The following ATM variants were observed in gnomAD, a reference collection of about 807,000 sequenced individuals.
ATM encodes ATM serine/threonine kinase, also known as serine-protein kinase ATM.
In ATM, 308 loss-of-function variants were observed where a neutral mutation model predicts 387.0. The observed-to-expected ratio is 0.80, with a 90% CI of 0.73 to 0.87. ATM has a LOEUF of 0.87. Ranked by LOEUF, ATM falls within the 40% of genes least tolerant of loss-of-function variation. ATM has a pLI of 0.00. For missense variants in ATM, 3,312 were observed against 3,560.9 expected (o/e 0.93, Z 1.78); for synonymous variants, 1,156 against 1,187.3 (o/e 0.97, Z 0.54).
chr11:108,273,497 A>G (rs929050820), intron 22 of ATM, among the ~76,000 whole-genome samples: 3 of 151,560 alleles, frequency 2.0e-5, no homozygotes, highest in African/African-American at 7.3e-5. Flanking sequence ...GCCTGCCACC[A>G]TGCCCAGCTA....
In ATM at chr11:108,368,756, A is replaced by G. The variant is rs560517151; in HGVS notation, c.*3248A>G. ...TTTCCCACCCTACTTTGTGCAGGTC[A>G]TACCTCCCCAAAGTGTTTACCTAAT... On this transcript the variant is annotated 3_prime_UTR_variant, in exon 63 of 63. Transcript: ENST00000675843. The G allele has an allele frequency of 1.7e-4, 36 of 212,094 alleles. No homozygotes were observed. The Middle Eastern group carries it at 7.5e-3, about 44-fold the overall frequency. 13.1% of individuals were successfully genotyped at this position (212,094 alleles called of 1,614,324 possible).
intron 37 of ATM, among the ~76,000 whole-genome samples, chr11:108,307,430 G>T (rs1426654692): frequency 6.6e-6 from 1 of 152,196 alleles, no homozygotes; most frequent in African/African-American, 2.4e-5. Context: ...TTACAGGCAT[G>T]AGCCATTGCA....
At chr11:108,324,244 T>C (rs1276239798) in intron 45 of ATM, among the ~76,000 whole-genome samples, 1 of 152,130 alleles carries the variant, frequency 6.6e-6, no homozygotes, top group Non-Finnish European at 1.5e-5. Flanking sequence ...TTACGTGTAA[T>C]AGGAAAATGC....
chr11:108,319,702 T>C lies in ATM; in HGVS notation c.6348-252T>C, dbSNP rs150757527. On this transcript the variant is annotated intron_variant, in intron 43 of 62. Transcript: ENST00000675843. Reference sequence around the variant, plus strand: ...CCTAGTGCCTGGCACATAATAGGTATTTATTGAATAAATAAATGAAAGTAG... The same window carrying C: ...CCTAGTGCCTGGCACATAATAGGTACTTATTGAATAAATAAATGAAAGTAG... Among the ~76,000 whole-genome samples the C allele has an allele frequency of 8.3e-3, 1,260 of 152,356 alleles. 7 individuals are homozygous for C. Among genetic ancestry groups the C allele is most frequent in the Non-Finnish European group, 0.013 (918 of 68,034 alleles).
Position 108,365,529 on chromosome 11 carries a change from C to T in ATM, c.*21C>T, listed in dbSNP as rs1006554443. On this transcript the variant is annotated 3_prime_UTR_variant, in exon 63 of 63. Transcript: ENST00000675843. ...TGTGATCTTCAGTATATGAATTACC[C>T]TTTCATTCAGCCTTTAGAAATTATA... 6.2e-7 allele frequency: 1 copy of T among 1,611,682 alleles called. No individual in the cohort carries two copies. The highest frequency in any genetic ancestry group is 1.3e-5 in the African/African-American group (1 of 74,852).
intron 42 of ATM, among the ~76,000 whole-genome samples, chr11:108,316,359 T>C (rs899683742): frequency 7.1e-6 from 1 of 140,030 alleles, no homozygotes; most frequent in Admixed American, 7.0e-5. Flanking sequence ...TAGTGTAGAT[T>C]TCTTGATCAT....
rs760492979 is a variant in ATM, at chr11:108,272,620, AT to A, written c.3153+20del. The A allele has an allele frequency of 6.2e-7, 1 of 1,613,200 alleles. No homozygotes were observed. The highest frequency in any genetic ancestry group is 1.1e-5 in the South Asian group (1 of 91,060). Reference sequence around the variant, plus strand: ...AACTTTGCTTGAGGTGAGTTTTTGCATTTTTTTAGTAAGATCTCCATTGAAA... The same window carrying A: ...AACTTTGCTTGAGGTGAGTTTTTGCATTTTTTAGTAAGATCTCCATTGAAA... On this transcript the variant is annotated intron_variant, in intron 21 of 62. Transcript: ENST00000675843.
At chr11:108,344,527 G>C (rs2088038542) in intron 57 of ATM, among the ~76,000 whole-genome samples, 1 of 152,178 alleles carries the variant, frequency 6.6e-6, no homozygotes. Context: ...CTAAAGGATA[G>C]TAATATCAGA....
chr11:108,368,808 T>TA lies in ATM; in HGVS notation c.*3301dup. ...AGTAGGTTCACAAACTCTTGGTCAT[T>TA]ATAGTATATGCCTAAAATGTATGCA... On this transcript the variant is annotated 3_prime_UTR_variant, in exon 63 of 63. Transcript: ENST00000675843. The TA allele has an allele frequency of 4.8e-6, 1 of 206,704 alleles. No individual in the cohort carries two copies. Among genetic ancestry groups the TA allele is most frequent in the Non-Finnish European group, 9.9e-6 (1 of 101,130 alleles). 12.8% of individuals were successfully genotyped at this position (206,704 alleles called of 1,614,324 possible).
At chr11:108,343,983 A>G (rs1484243157) in intron 57 of ATM, among the ~76,000 whole-genome samples, 1 of 152,178 alleles carries the variant, frequency 6.6e-6, no homozygotes, top group African/African-American at 2.4e-5. Flanking sequence ...AATATCAAAT[A>G]TTACGACTAA....
intron 25 of ATM, among the ~76,000 whole-genome samples, chr11:108,283,168 C>T (rs1045578914): frequency 2.6e-5 from 4 of 152,196 alleles, no homozygotes; most frequent in African/African-American, 4.8e-5. Context: ...AAGCAAGTTA[C>T]ACAAGGAGAT....
At position 108,293,296 on chromosome 11, in the gene ATM, T is replaced by C. The variant is rs550966528; in HGVS notation, c.4612-17T>C. 9.9e-6 allele frequency: 14 copies of C among 1,408,066 alleles called. No individual in the cohort carries two copies. In the East Asian group the frequency reaches 3.5e-4, roughly 35 times the overall value. 87.2% of individuals were successfully genotyped at this position (1,408,066 alleles called of 1,614,324 possible). ...TATTTCTCTCCTTATAATTTTTTCT[T>C]TTTAAATTATATTTAGGTATTGGAC... On this transcript the variant is annotated splice_polypyrimidine_tract_variant and intron_variant, in intron 30 of 62. Transcript: ENST00000675843.
intron 15 of ATM, 122 bp downstream of exon 15, chr11:108,257,728 T>C: frequency 3.0e-6 from 3 of 1,009,172 alleles, no homozygotes; most frequent in Non-Finnish European, 4.5e-6. Context: ...CCAGCAATTC[T>C]CCTGCCTCAG....
intron 16 of ATM, among the ~76,000 whole-genome samples, chr11:108,266,734 A>C (rs2081269746): frequency 6.6e-6 from 1 of 152,164 alleles, no homozygotes; most frequent in Non-Finnish European, 1.5e-5. Flanking sequence ...TTTAGTAGAA[A>C]AAGTACTGTA....
chr11:108,271,026 G>A (rs746960781), intron 18 of ATM, 38 bp from the exon 19 acceptor site: 3 of 1,541,326 alleles, frequency 1.9e-6, no homozygotes, highest in Admixed American at 3.3e-5. Flanking sequence ...TAAATGATTT[G>A]TGGATAAACC....
chr11:108,252,624 GATA>G (rs1289683813), intron 11 of ATM, among the ~76,000 whole-genome samples, 190 bp from the exon 12 acceptor site: 16 of 152,138 alleles, frequency 1.1e-4, no homozygotes, highest in Admixed American at 7.9e-4. Context: ...TATTGGAAAT[GATA>G]ATAACAATGG....
At chr11:108,277,114 C>G (rs938199814) in intron 22 of ATM, among the ~76,000 whole-genome samples, 11 of 152,130 alleles carry the variant, frequency 7.2e-5, no homozygotes, top group African/African-American at 2.4e-4. Context: ...CTTTGTGGCA[C>G]TATGTTGGGC....
intron 56 of ATM, 101 bp from the exon 57 acceptor site, chr11:108,343,121 C>A: frequency 1.4e-6 from 2 of 1,456,806 alleles, no homozygotes; most frequent in Non-Finnish European, 1.9e-6. Flanking sequence ...ATTAATACAA[C>A]TTGAAAAAAA....
chr11:108,243,268 G>C (rs1204757955), intron 5 of ATM, among the ~76,000 whole-genome samples: 1 of 151,802 alleles, frequency 6.6e-6, no homozygotes, highest in African/African-American at 2.4e-5. Flanking sequence ...ACCCTTCATA[G>C]GTCTCAACAC....
Sources: gnomAD v4.1 joint callset for allele counts (sites outside exome capture counted in the v4.1 genomes callset) on GRCh38, gnomAD v4.1.1 for gene constraint, MANE v1.5 for transcripts, NCBI Gene and HGNC (gene_info 2026-07-23, HGNC 2026-07-21) for gene names.